SNX25: variants seen among roughly 807,000 people sequenced by gnomAD.
SNX25 encodes the protein sorting nexin-25.
SNX25 carries 62 observed loss-of-function variants against 113.7 expected under a neutral mutation model. The ratio of observed to expected loss-of-function variants is 0.55; its 90% confidence interval spans 0.44 to 0.67. SNX25 has a LOEUF of 0.67. Among genes scored for constraint, SNX25 ranks in the 30% least tolerant of loss-of-function variants. SNX25 has a pLI of 0.00. For synonymous variants in SNX25, 421 were observed against 436.2 expected (o/e 0.97, Z 0.43); for missense variants, 1,014 against 1,161.0 (o/e 0.87, Z 1.84).
In SNX25 at chr4:185,362,726, G is replaced by C. The variant is rs1411756019; in HGVS notation, c.2934+15G>C. ...ATCTGTTATATGTGAGTAAATTAAA[G>C]CCCAGGGGGTTTCCTGCTTTATTTT... On this transcript the variant is annotated intron_variant, in intron 18 of 18. Coordinates refer to ENST00000652585, the MANE Select transcript of SNX25 (RefSeq NM_001378034.2). 1.3e-6 allele frequency: 2 copies of C among 1,595,100 alleles called. No homozygotes were observed. The highest frequency in any genetic ancestry group is 1.7e-5 in the Admixed American group (1 of 58,674).
At chr4:185,205,512 G>A (rs528645723), upstream of SNX25, among the ~76,000 whole-genome samples, 2 of 152,160 alleles carry the variant, frequency 1.3e-5, no homozygotes, top group East Asian at 3.9e-4. Flanking sequence ...AACTGTGTTG[G>A]CACCACTTTC....
At chr4:185,369,796 A>G in exon 12 of SNX25, 1 of 438,752 alleles carries the variant, frequency 2.3e-6, no homozygotes, top group South Asian at 1.7e-5. Context: ...CATGATTGAA[A>G]TTTTCTGAAA....
At chr4:185,335,619 T>C (rs766472562) in intron 10 of SNX25, among the ~76,000 whole-genome samples, 21 of 152,224 alleles carry the variant, frequency 1.4e-4, no homozygotes, top group Non-Finnish European at 2.6e-4. Flanking sequence ...ATTAGCCTTT[T>C]AGTTTGATTC....
intron 5 of SNX25, among the ~76,000 whole-genome samples, chr4:185,284,652 G>T (rs1033048634): frequency 3.3e-5 from 5 of 152,182 alleles, no homozygotes; most frequent in Non-Finnish European, 5.9e-5. Flanking sequence ...AGGAATGTGG[G>T]GTTATTCATT....
chr4:185,309,814 A>G (rs1254912082), intron 6 of SNX25, among the ~76,000 whole-genome samples: 2 of 152,228 alleles, frequency 1.3e-5, no homozygotes, highest in East Asian at 3.8e-4. Flanking sequence ...CATGAAAGAT[A>G]CAAATACATT....
chr4:185,245,715 C>A (rs1744771563), intron 1 of SNX25, among the ~76,000 whole-genome samples: 1 of 152,156 alleles, frequency 6.6e-6, no homozygotes, highest in South Asian at 2.1e-4. Flanking sequence ...AAATTCTATA[C>A]CTCCGCCTAG....
downstream of SNX25, chr4:185,366,533 ATTAT>A (rs759980269): frequency 2.6e-5 from 4 of 152,210 alleles, no homozygotes; most frequent in Non-Finnish European, 5.9e-5. Flanking sequence ...TAATAAGCCA[ATTAT>A]TTATGAGCTT....
downstream of SNX25, chr4:185,367,245 C>T (rs774957920): frequency 1.9e-6 from 3 of 1,609,076 alleles, no homozygotes; most frequent in Non-Finnish European, 2.5e-6. Context: ...AGACGACAAG[C>T]CTTAAAATCA....
chr4:185,372,789 G>GT, downstream of SNX25: 1 of 1,342,584 alleles, frequency 7.4e-7, no homozygotes, highest in African/African-American at 1.4e-5. Flanking sequence ...ATAAATTTCT[G>GT]TTTCTCATAA....
chr4:185,246,038 G>A lies in SNX25; in HGVS notation c.430-1256G>A, dbSNP rs368410752. Among the ~76,000 whole-genome samples, 5 of 152,292 alleles carry A rather than the reference G, an allele frequency of 3.3e-5. No individual in the cohort carries two copies. In the East Asian group the frequency reaches 5.8e-4, roughly 18 times the overall value. On this transcript the variant is annotated intron_variant, in intron 1 of 18. Coordinates refer to ENST00000652585, the MANE Select transcript of SNX25 (RefSeq NM_001378034.2). The stretch of plus-strand genomic sequence containing the variant: ...GCGGTGGCTCACGCCTGTAATCCCA[G>A]CACTTTGGGAGGCCGAGGCAGGTGA...
At chr4:185,377,394 T>C in the SNX25 span, 1 of 176,274 alleles carries the variant, frequency 5.7e-6, no homozygotes, top group East Asian at 1.4e-4. Context: ...GGTGCATGCC[T>C]ATAATCCCAG....
chr4:185,239,289 C>T (rs574516261), intron 1 of SNX25, among the ~76,000 whole-genome samples: 63 of 151,952 alleles, frequency 4.1e-4, no homozygotes, highest in East Asian at 4.1e-3. Flanking sequence ...CGAGACCATC[C>T]TGGCCAACAC....
chr4:185,314,011 TGTC>T (rs2095050901), intron 7 of SNX25, among the ~76,000 whole-genome samples: 1 of 152,292 alleles, frequency 6.6e-6, no homozygotes, highest in African/African-American at 2.4e-5. Flanking sequence ...ATCTTCCTGT[TGTC>T]TAGGCAGAGC....
chr4:185,207,537 T>C (rs1462278089), upstream of SNX25, among the ~76,000 whole-genome samples: 2 of 152,134 alleles, frequency 1.3e-5, no homozygotes, highest in Non-Finnish European at 2.9e-5. Context: ...CTTTTAAGCA[T>C]GGAATGCAGA....
the SNX25 span, chr4:185,378,092 T>G: frequency 1.2e-6 from 2 of 1,612,674 alleles, no homozygotes; most frequent in Non-Finnish European, 8.5e-7. Context: ...AGTCTTTTCC[T>G]TTTTCCACTG....
At chr4:185,231,102 G>GTT (rs33972141) in intron 1 of SNX25, among the ~76,000 whole-genome samples, 3 of 140,536 alleles carry the variant, frequency 2.1e-5, no homozygotes, top group Non-Finnish European at 4.6e-5. Flanking sequence ...CCTTTTTTTT[G>GTT]TTTTTTTTTT....
In SNX25 at chr4:185,210,395, C is replaced by CT. The variant is rs1737556913; in HGVS notation, c.429+140_429+141insT. On this transcript the variant is annotated intron_variant, in intron 1 of 18. Transcript: ENST00000652585. This position sits in a 1 kb window ranked among gnomAD's most constrained non-coding sequence, Gnocchi z 4.4. ...GGGAGCCAGGGGGCTGGGCTGCGGG[C>CT]CCGGCCGTGGACGCGAGCGTTCCCC... 9.4e-6 allele frequency: 8 copies of CT among 850,582 alleles called. No individual in the cohort carries two copies. Among genetic ancestry groups the CT allele is most frequent in the Non-Finnish European group, 9.9e-6 (7 of 707,504 alleles). The allele number at this position is 850,582 out of a possible 1,614,324, so 52.7% of individuals were successfully genotyped here.
At chr4:185,252,512 TCTC>T (rs769778366) in intron 2 of SNX25, among the ~76,000 whole-genome samples, 17 of 152,170 alleles carry the variant, frequency 1.1e-4, no homozygotes, top group Non-Finnish European at 2.4e-4. Context: ...TACCTAAAAA[TCTC>T]CTCCTTGGAA....
the SNX25 span, among the ~76,000 whole-genome samples, chr4:185,375,359 G>A: frequency 1.4e-5 from 2 of 144,412 alleles, no homozygotes; most frequent in African/African-American, 5.1e-5. Context: ...TGAAGGCTGA[G>A]GCAGAAGAAT....
Sources: gnomAD v4.1 joint callset for allele counts (sites outside exome capture counted in the v4.1 genomes callset) on GRCh38, gnomAD v4.1.1 for gene constraint, Gnocchi (gnomAD v3.1) non-coding constraint, MANE v1.5 for transcripts, NCBI Gene and HGNC (gene_info 2026-07-23, HGNC 2026-07-21) for gene names.